Variants in PDZD2 observed in about 807,000 individuals in gnomAD.
PDZD2 encodes the protein PDZ domain-containing protein 2.
In PDZD2, 90 loss-of-function variants were observed where a neutral mutation model predicts 220.7. That is an observed-to-expected ratio of 0.41 (90% CI 0.34 to 0.49). The LOEUF is 0.49. PDZD2 is among the 20% of genes least tolerant of loss of function. The pLI, the probability that PDZD2 is intolerant of heterozygous loss-of-function variation, is 0.28. For missense variants in PDZD2, 3,174 were observed against 3,608.5 expected, an observed-to-expected ratio of 0.88 and a Z score of 3.08; for synonymous variants, 1,375 against 1,450.5, an observed-to-expected ratio of 0.95 and a Z score of 1.18.
intron 1 of PDZD2, among the ~76,000 whole-genome samples, chr5:31,699,432 G>A (rs564421742): frequency 1.3e-5 from 2 of 152,096 alleles, no homozygotes; most frequent in African/African-American, 4.8e-5. Context: ...CATGGTCTGG[G>A]GAGCTCAGAA....
chr5:31,753,796 T>G (rs1246840261), intron 1 of PDZD2, among the ~76,000 whole-genome samples: 3 of 152,214 alleles, frequency 2.0e-5, no homozygotes, highest in African/African-American at 7.2e-5. Flanking sequence ...AAAGCCCTGT[T>G]ACCAGTTTGA....
chr5:32,041,071 G>A (rs1448569737), intron 7 of PDZD2, among the ~76,000 whole-genome samples: 1 of 142,894 alleles, frequency 7.0e-6, no homozygotes, highest in African/African-American at 2.7e-5. Flanking sequence ...GAAGTGGGGA[G>A]CGCCTCTGTC....
intron 6 of PDZD2, among the ~76,000 whole-genome samples, chr5:32,017,784 C>A (rs1753888490): frequency 6.6e-6 from 1 of 152,090 alleles, no homozygotes; most frequent in Admixed American, 6.6e-5. Flanking sequence ...GATTAAACAT[C>A]CCAGGGGGAG....
At chr5:32,102,816 A>T (rs1744378714) in intron 24 of PDZD2, among the ~76,000 whole-genome samples, 3 of 152,176 alleles carry the variant, frequency 2.0e-5, no homozygotes, top group Admixed American at 2.0e-4. Context: ...TGGGTGTGGT[A>T]GCGCATGCCT....
At chr5:31,773,345 T>C (rs12517525) in intron 1 of PDZD2, among the ~76,000 whole-genome samples, 24,577 of 151,944 alleles carry the variant, frequency 0.16, 2,856 homozygotes, top group East Asian at 0.54. Context: ...GTATTCAATA[T>C]AGTCTAGTGA....
At chr5:32,014,911 T>C (rs1018873249) in intron 6 of PDZD2, among the ~76,000 whole-genome samples, 1 of 149,724 alleles carries the variant, frequency 6.7e-6, no homozygotes, top group Non-Finnish European at 1.5e-5. Context: ...GGTTCCACCA[T>C]GTTGGCCAGG....
intron 19 of PDZD2, chr5:32,077,955 C>CAAAACAA (rs71598919): frequency 8.1e-6 from 1 of 123,470 alleles, no homozygotes; most frequent in African/African-American, 3.2e-5. Flanking sequence ...AAGACTCTGT[C>CAAAACAA]AAAAAAAAAA....
intron 3 of PDZD2, among the ~76,000 whole-genome samples, chr5:31,994,688 T>C (rs181339434): frequency 6.6e-6 from 1 of 152,202 alleles, no homozygotes; most frequent in African/African-American, 2.4e-5. Context: ...GGTTTCACCA[T>C]GCTGGCCAGG....
At chr5:31,661,726 G>A (rs29754) in intron 1 of PDZD2, among the ~76,000 whole-genome samples, 120,870 of 151,726 alleles carry the variant, frequency 0.8, 51,529 homozygotes, top group South Asian at 0.97. Context: ...TTGAGTAAAT[G>A]AAATCCAGCA....
intron 5 of PDZD2, among the ~76,000 whole-genome samples, chr5:32,004,828 C>T (rs912775309): frequency 6.6e-6 from 1 of 152,220 alleles, no homozygotes; most frequent in African/African-American, 2.4e-5. Context: ...TTGCTTGGGT[C>T]CTCGTGGGGC....
chr5:31,701,267 GC>G (rs1747600134), intron 1 of PDZD2, among the ~76,000 whole-genome samples: 1 of 152,154 alleles, frequency 6.6e-6, no homozygotes, highest in Non-Finnish European at 1.5e-5. Flanking sequence ...CGCAGTCTCA[GC>G]CCACTGCAAC....
intron 1 of PDZD2, among the ~76,000 whole-genome samples, chr5:31,723,820 G>A (rs1182446438): frequency 2.0e-5 from 3 of 152,070 alleles, no homozygotes; most frequent in African/African-American, 7.2e-5. Flanking sequence ...GTTTCACCAT[G>A]TTGGCCAGGC....
At chr5:31,784,768 G>A (rs10041208) in intron 1 of PDZD2, among the ~76,000 whole-genome samples, 2,955 of 152,200 alleles carry the variant, frequency 0.019, 86 homozygotes, top group African/African-American at 0.064. Flanking sequence ...TTAGCCAGGC[G>A]TGGTGGCACA....
intron 1 of PDZD2, among the ~76,000 whole-genome samples, chr5:31,736,193 T>C (rs935770592): frequency 6.6e-6 from 1 of 152,196 alleles, no homozygotes; most frequent in Non-Finnish European, 1.5e-5. Flanking sequence ...ACTTTGTCAG[T>C]AAACATAAAA....
rs1374839917 is a variant in PDZD2, at chr5:32,033,627, T to C, written c.1408-3604T>C. Among the ~76,000 whole-genome samples the C allele has an allele frequency of 1.1e-4, 17 of 150,404 alleles. No homozygotes were observed. The East Asian group carries it at 3.1e-3, about 28-fold the overall frequency. On this transcript the variant is annotated intron_variant, in intron 6 of 24. Transcript: ENST00000438447. ...GTAGCCACATACACCATCTCTCTTT[T>C]TTTTTTTTTTGAGACAGAGCCTCGC...
intron 2 of PDZD2, among the ~76,000 whole-genome samples, chr5:31,911,058 A>G (rs915820031): frequency 6.6e-6 from 1 of 152,226 alleles, no homozygotes; most frequent in African/African-American, 2.4e-5. Flanking sequence ...AAAGAGGTTC[A>G]TAATATAATT....
rs189965688 is a variant in PDZD2, at chr5:31,916,375, G to A, written c.477-66780G>A. 2.0e-3 allele frequency among the ~76,000 whole-genome samples: 306 copies of A among 152,340 alleles called. 1 individual carries two copies. Among genetic ancestry groups the A allele is most frequent in the African/African-American group, 7.0e-3 (291 of 41,582 alleles). ...CCCCTCCAGGGGAGGGTGCCCTTGC[G>A]TACCCACAGTCAGGTGTAGAGGCCT... On this transcript the variant is annotated intron_variant, in intron 2 of 24. Coordinates refer to ENST00000438447, the MANE Select transcript of PDZD2 (RefSeq NM_178140.4).
rs190153844 is a variant in PDZD2, at chr5:31,968,678, A to C, written c.477-14477A>C. Among the ~76,000 whole-genome samples the C allele has an allele frequency of 2.9e-3, 434 of 152,134 alleles. 2 individuals carry two copies. Among genetic ancestry groups the C allele is most frequent in the African/African-American group, 9.5e-3 (396 of 41,486 alleles). Reference sequence around the variant, plus strand: ...CTCAAAAAACAAACAAACAAACAAAAAAAACAACCAGACTCCAGAGAGCTC... The same window carrying C: ...CTCAAAAAACAAACAAACAAACAAACAAAACAACCAGACTCCAGAGAGCTC... On this transcript the variant is annotated intron_variant, in intron 2 of 24. Coordinates refer to ENST00000438447, the MANE Select transcript of PDZD2 (RefSeq NM_178140.4).
rs944425447 is a variant in PDZD2 at position 32,109,898 on chromosome 5, C to T, written c.*1763C>T. The T allele has an allele frequency of 6.6e-6, 1 of 152,532 alleles. No homozygotes were observed. Among genetic ancestry groups the T allele is most frequent in the Non-Finnish European group, 1.5e-5 (1 of 68,042 alleles). The allele number at this position is 152,532 out of a possible 1,614,324, so 9.4% of individuals were successfully genotyped here. On this transcript the variant is annotated 3_prime_UTR_variant, in exon 25 of 25. Transcript: ENST00000438447. ...GAGAAATAGCTGGCTTGTCTGAGTC[C>T]AGATTTCTCATCAACTGGCAATACA...
Sources: gnomAD v4.1 joint callset for allele counts (sites outside exome capture counted in the v4.1 genomes callset) on GRCh38, gnomAD v4.1.1 for gene constraint, MANE v1.5 for transcripts, NCBI Gene and HGNC (gene_info 2026-07-23, HGNC 2026-07-21) for gene names.